SYNJ2: variants seen among roughly 807,000 people sequenced by gnomAD.
SYNJ2 encodes synaptojanin 2.
SYNJ2 carries 116 observed loss-of-function variants against 141.3 expected under a neutral mutation model. The observed-to-expected ratio is 0.82, with a 90% CI of 0.71 to 0.96. SYNJ2 has a LOEUF of 0.96. Ranked by LOEUF, SYNJ2 falls within the 40% of genes least tolerant of loss-of-function variation. The pLI is 0.00. For missense variants in SYNJ2, 1,873 were observed against 1,934.8 expected, an observed-to-expected ratio of 0.97 and a Z score of 0.60; for synonymous variants, 745 against 777.7, an observed-to-expected ratio of 0.96 and a Z score of 0.70.
chr6:158,086,439 CT>C (rs1178470396), intron 22 of SYNJ2, among the ~76,000 whole-genome samples: 1 of 152,186 alleles, frequency 6.6e-6, no homozygotes, highest in Non-Finnish European at 1.5e-5. Flanking sequence ...GGCTGCTCTG[CT>C]GCCAGAGCAG....
At chr6:158,063,657 CTCAAAAAA>C in intron 8 of SYNJ2, 126 bp from the exon 9 acceptor site, 1 of 405,184 alleles carries the variant, frequency 2.5e-6, no homozygotes, top group Non-Finnish European at 3.9e-6. Flanking sequence ...GAGACTCTGT[CTCAAAAAA>C]AAAAAAAAAA....
At chr6:158,033,919 C>T (rs544751230) in intron 4 of SYNJ2, among the ~76,000 whole-genome samples, 13 of 152,140 alleles carry the variant, frequency 8.5e-5, no homozygotes, top group Non-Finnish European at 1.3e-4. Context: ...GCTGCTTAGC[C>T]GAGGTATTTT....
rs1783557200 is a variant in SYNJ2, at chr6:158,092,923, C to T, written c.3566-3C>T. 2 of 1,580,518 alleles carry T rather than the reference C, an allele frequency of 1.3e-6. No homozygotes were observed. Among genetic ancestry groups the T allele is most frequent in the Admixed American group, 4.1e-5 (2 of 48,886 alleles). ...ACTTCAGCCATGTGGTTTTATGTTT[C>T]AGGTGCCTCCGAAGAAGCCCTAAGT... is the stretch of plus-strand genomic sequence containing the variant. On this transcript the variant is annotated splice_region_variant and splice_polypyrimidine_tract_variant and intron_variant, in intron 25 of 26. Transcript: ENST00000355585.
At chr6:158,024,475 C>T (rs574606547) in intron 2 of SYNJ2, among the ~76,000 whole-genome samples, 4 of 152,142 alleles carry the variant, frequency 2.6e-5, no homozygotes, top group Non-Finnish European at 5.9e-5. Context: ...CTTGGGTGTT[C>T]ATACTTCAGC....
chr6:158,025,981 ATACATACATACATACG>A (rs1246629241), intron 2 of SYNJ2, among the ~76,000 whole-genome samples: 5 of 128,898 alleles, frequency 3.9e-5, no homozygotes, highest in African/African-American at 5.9e-5. Context: ...TAATACATGC[ATACATACATACATACG>A]TACATACATA....
At chr6:158,049,795 G>T (rs1158058501) in intron 5 of SYNJ2, among the ~76,000 whole-genome samples, 1 of 152,026 alleles carries the variant, frequency 6.6e-6, no homozygotes, top group Non-Finnish European at 1.5e-5. Context: ...TATGCACGTG[G>T]CTCTGCAGGT....
chr6:158,062,969 G>A (rs76660696), intron 8 of SYNJ2, among the ~76,000 whole-genome samples: 3 of 152,140 alleles, frequency 2.0e-5, no homozygotes, highest in Admixed American at 6.5e-5. Flanking sequence ...GAAAATGCAC[G>A]TTAAGATAAG....
chr6:158,047,774 CAAAAAAAAAAAAAAAAA>C (rs58147972), intron 5 of SYNJ2, among the ~76,000 whole-genome samples: 58 of 32,392 alleles, frequency 1.8e-3, no homozygotes, highest in African/African-American at 7.0e-3. Flanking sequence ...GCGACTCTGT[CAAAAAAAAAAAAAAAAA>C]AAAAAAAAAA....
intron 7 of SYNJ2, among the ~76,000 whole-genome samples, chr6:158,060,179 G>A (rs1781127877): frequency 1.3e-5 from 2 of 152,182 alleles, no homozygotes; most frequent in Admixed American, 1.3e-4. Context: ...GCAGCTCCTG[G>A]ACCTGCTGCT....
intron 5 of SYNJ2, among the ~76,000 whole-genome samples, chr6:158,053,623 C>G (rs1780689618): frequency 6.6e-6 from 1 of 152,028 alleles, no homozygotes; most frequent in South Asian, 2.1e-4. Context: ...CCTATCTACC[C>G]ACCCATCCAC....
At position 158,017,295 on chromosome 6, in the gene SYNJ2, G is replaced by C. The variant is rs1166923541; in HGVS notation, c.214+5G>C. On this transcript the variant is annotated splice_donor_5th_base_variant and intron_variant, in intron 2 of 26. Transcript: ENST00000355585. ...GGGAGCTGAGGCTGAAATCTGGTGAGTAGCCGCTCGCTGGAGGAGCAGGCG... is the reference window on the plus strand; with the variant it reads ...GGGAGCTGAGGCTGAAATCTGGTGACTAGCCGCTCGCTGGAGGAGCAGGCG... 1.2e-6 allele frequency: 2 copies of C among 1,610,516 alleles called. No homozygotes were observed. Among genetic ancestry groups the C allele is most frequent in the African/African-American group, 2.7e-5 (2 of 74,850 alleles).
rs1783809717 is a variant in SYNJ2, at chr6:158,096,493, T to A, written c.*129T>A. The stretch of plus-strand genomic sequence containing the variant: ...CGTTTGTGCATCTGTCACTCTCGTG[T>A]AGTTTACAAAAATCGTGTCTCTTAT... On this transcript the variant is annotated 3_prime_UTR_variant, in exon 27 of 27. Transcript: ENST00000355585. The A allele has an allele frequency of 8.9e-7, 1 of 1,122,644 alleles. No individual in the cohort carries two copies. The highest frequency in any genetic ancestry group is 1.7e-5 in the South Asian group (1 of 58,158). The allele number at this position is 1,122,644 out of a possible 1,614,324, so 69.5% of individuals were successfully genotyped here. A position where few individuals can be genotyped will look rare whatever the true frequency, so the allele number is the denominator to read the frequency against.
At chr6:157,984,885 T>C (rs193050112) in intron 1 of SYNJ2, among the ~76,000 whole-genome samples, 117 of 152,274 alleles carry the variant, frequency 7.7e-4, no homozygotes, top group South Asian at 6.9e-3. Context: ...TCCCTCCCAG[T>C]TAGTAATGAG....
At position 158,037,107 on chromosome 6, in the gene SYNJ2, C is replaced by A. The variant is rs984031257; in HGVS notation, c.711+3427C>A. ...AACCGCATGCATTTCCTAGGACTGCCCATAATAAAGTACCCCAAACTGGGT... is the reference window on the plus strand; with the variant it reads ...AACCGCATGCATTTCCTAGGACTGCACATAATAAAGTACCCCAAACTGGGT... On this transcript the variant is annotated intron_variant, in intron 4 of 26. Coordinates refer to ENST00000355585, the MANE Select transcript of SYNJ2 (RefSeq NM_003898.4). 3.9e-5 allele frequency among the ~76,000 whole-genome samples: 6 copies of A among 152,234 alleles called. No individual in the cohort carries two copies. The East Asian group carries it at 1.2e-3, about 29-fold the overall frequency.
intron 1 of SYNJ2, among the ~76,000 whole-genome samples, chr6:157,993,797 GTTTTTTT>G (rs61529071): frequency 0.078 from 3,722 of 48,018 alleles, 245 homozygotes; most frequent in Non-Finnish European, 0.1. Flanking sequence ...AAATGTGTGG[GTTTTTTT>G]TTTTTTTTTT....
intron 4 of SYNJ2, among the ~76,000 whole-genome samples, chr6:158,037,331 C>A (rs1779689267): frequency 6.6e-6 from 1 of 151,770 alleles, no homozygotes; most frequent in Non-Finnish European, 1.5e-5. Flanking sequence ...CCTTCTCTGC[C>A]TGTGTCTCTC....
intron 1 of SYNJ2, among the ~76,000 whole-genome samples, chr6:158,012,581 T>C (rs1266399986): frequency 6.6e-6 from 1 of 152,242 alleles, no homozygotes; most frequent in Non-Finnish European, 1.5e-5. Flanking sequence ...TGCCGACACC[T>C]TCCTTTCAGC....
In SYNJ2 at chr6:158,071,803, C is replaced by T. The variant is rs1382610391; in HGVS notation, c.2133+9C>T. The T allele has an allele frequency of 5.0e-6, 8 of 1,611,110 alleles. No homozygotes were observed. The highest frequency in any genetic ancestry group is 4.5e-5 in the East Asian group (2 of 44,876). Reference sequence around the variant, plus strand: ...AACTCTGCTTCCCAATGGTGAGCGGCGCCGTGGGGACAGCCAGCACCTCCC... The same window carrying T: ...AACTCTGCTTCCCAATGGTGAGCGGTGCCGTGGGGACAGCCAGCACCTCCC... On this transcript the variant is annotated intron_variant, in intron 15 of 26. Transcript: ENST00000355585. The surrounding 1 kb of genome is among the most constrained non-coding windows in gnomAD (Gnocchi z 4.3).
chr6:158,005,263 G>A (rs1235812797), intron 1 of SYNJ2, among the ~76,000 whole-genome samples: 1 of 152,036 alleles, frequency 6.6e-6, no homozygotes, highest in Non-Finnish European at 1.5e-5. Context: ...ATTTTTAATA[G>A]AGATGGGGTT....
Sources: allele counts gnomAD v4.1 joint callset (sites outside exome capture counted in the v4.1 genomes callset), GRCh38; gene constraint gnomAD v4.1.1; non-coding constraint Gnocchi (gnomAD v3.1); transcripts MANE v1.5; gene names NCBI Gene and HGNC (gene_info 2026-07-23, HGNC 2026-07-21).